AGAP1: variants seen among roughly 807,000 people sequenced by gnomAD.
AGAP1 encodes arf-GAP with GTPase, ANK repeat and PH domain-containing protein 1.
A neutral mutation model predicts 105.3 loss-of-function variants in AGAP1; 29 were observed. The ratio of observed to expected loss-of-function variants is 0.28; its 90% CI spans 0.21 to 0.38. The LOEUF (loss-of-function observed/expected upper bound fraction) is 0.38. Ranked by LOEUF, AGAP1 falls within the 10% of genes least tolerant of loss-of-function variation. The probability of loss-of-function intolerance (pLI) is 1.00; values close to 1 mark genes in which losing one functional copy is unlikely to be tolerated. For missense variants in AGAP1, 998 were observed against 1,165.1 expected (o/e 0.86, Z 2.09); for synonymous variants, 509 against 485.9 (o/e 1.05, Z -0.63).
At chr2:236,034,734 AGGGCCTCAGGCCCGACCTCCACTCAGCAC>A (rs1423206222) in intron 13 of AGAP1, among the ~76,000 whole-genome samples, 1 of 152,238 alleles carries the variant, frequency 6.6e-6, no homozygotes, top group Non-Finnish European at 1.5e-5. Context: ...CTAACCAGCC[AGGGCCTCAGGCCCGACCTCCACTCAGCAC>A]GTGCATCACA....
At position 235,729,142 on chromosome 2, in the gene AGAP1, C is replaced by A. The variant is rs1951807287; in HGVS notation, c.310+11498C>A. 6.6e-6 allele frequency among the ~76,000 whole-genome samples: 1 copy of A among 152,154 alleles called. No individual in the cohort carries two copies. Among genetic ancestry groups the A allele is most frequent in the Admixed American group, 6.5e-5 (1 of 15,280 alleles). ...GAGGACAGATAGGGGAATCCCCAGG[C>A]CACCTCTGGACCTTGACATTGACTA... On this transcript the variant is annotated intron_variant, in intron 3 of 17. Transcript: ENST00000304032. The surrounding 1 kb of genome is among the most constrained non-coding windows in gnomAD (Gnocchi z 5.0).
chr2:235,617,973 G>T (rs1033812214), intron 1 of AGAP1, among the ~76,000 whole-genome samples: 7 of 152,104 alleles, frequency 4.6e-5, no homozygotes, highest in African/African-American at 1.2e-4. Context: ...GGGCCGGCGA[G>T]TTAACTGAAC....
chr2:236,089,765 T>C lies in AGAP1; in HGVS notation c.2115-30427T>C, dbSNP rs1255627785. Reference sequence around the variant, plus strand: ...GGCAATAAAGAGTGCATTTGTGGAATGATAACCTGACTGGCATCCCTGCCT... The same window carrying C: ...GGCAATAAAGAGTGCATTTGTGGAACGATAACCTGACTGGCATCCCTGCCT... On this transcript the variant is annotated intron_variant, in intron 16 of 17. Transcript: ENST00000304032. This position sits in a 1 kb window ranked among gnomAD's most constrained non-coding sequence, Gnocchi z 5.6. Among the ~76,000 whole-genome samples the C allele has an allele frequency of 6.6e-6, 1 of 152,192 alleles. No homozygotes were observed. The highest frequency in any genetic ancestry group is 1.5e-5 in the Non-Finnish European group (1 of 68,042).
intron 12 of AGAP1, among the ~76,000 whole-genome samples, chr2:235,933,883 A>G (rs994941889): frequency 4.6e-5 from 7 of 152,218 alleles, no homozygotes; most frequent in African/African-American, 1.7e-4. Flanking sequence ...AAGGGAGACA[A>G]TAATCGTAAT....
In AGAP1 at chr2:235,535,292, C is replaced by T. The variant is rs1343623065; in HGVS notation, c.163+40443C>T. Reference sequence around the variant, plus strand: ...ATCTGCACGTCTCTTTCAATGCGGGCGTGCGAACTTCCAGGTAGAGCCGAG... The same window carrying T: ...ATCTGCACGTCTCTTTCAATGCGGGTGTGCGAACTTCCAGGTAGAGCCGAG... On this transcript the variant is annotated intron_variant, in intron 1 of 17. Coordinates refer to ENST00000304032, the MANE Select transcript of AGAP1 (RefSeq NM_001037131.3). This position sits in a 1 kb window ranked among gnomAD's most constrained non-coding sequence, Gnocchi z 5.1. Among the ~76,000 whole-genome samples the T allele has an allele frequency of 3.3e-5, 5 of 152,096 alleles. No individual in the cohort carries two copies. The highest frequency in any genetic ancestry group is 4.8e-5 in the African/African-American group (2 of 41,428).
At chr2:235,945,191 C>G (rs1002117885) in intron 12 of AGAP1, among the ~76,000 whole-genome samples, 16 of 152,192 alleles carry the variant, frequency 1.1e-4, no homozygotes, top group African/African-American at 3.6e-4. Context: ...AGCTCCGTCT[C>G]CCAGGTTCCC....
At chr2:236,026,039 T>G (rs530488441) in intron 13 of AGAP1, among the ~76,000 whole-genome samples, 5 of 152,326 alleles carry the variant, frequency 3.3e-5, no homozygotes, top group African/African-American at 1.2e-4. Flanking sequence ...TTCACTCTGC[T>G]GGGCAGCAGC....
chr2:235,841,717 G>A (rs932535624), intron 9 of AGAP1, among the ~76,000 whole-genome samples: 1 of 152,224 alleles, frequency 6.6e-6, no homozygotes, highest in Non-Finnish European at 1.5e-5. Flanking sequence ...GTTAGGCATT[G>A]TAATTTGGCT....
intron 10 of AGAP1, among the ~76,000 whole-genome samples, chr2:235,890,665 G>A (rs1325025961): frequency 6.6e-6 from 1 of 152,188 alleles, no homozygotes; most frequent in South Asian, 2.1e-4. Flanking sequence ...TGCTGCAGAC[G>A]CTCAGGCTAC....
intron 2 of AGAP1, among the ~76,000 whole-genome samples, chr2:235,715,664 C>A (rs1951065483): frequency 6.6e-6 from 1 of 152,156 alleles, no homozygotes; most frequent in African/African-American, 2.4e-5. Context: ...GCCACTTTCT[C>A]ATGGTCACTT....
At chr2:235,806,959 A>G (rs1041871787) in intron 8 of AGAP1, among the ~76,000 whole-genome samples, 8 of 152,122 alleles carry the variant, frequency 5.3e-5, no homozygotes, top group Non-Finnish European at 8.8e-5. Flanking sequence ...CATATGGCCC[A>G]TTGGTTTCTA....
chr2:236,117,992 G>A (rs938515468), intron 16 of AGAP1, among the ~76,000 whole-genome samples: 4 of 152,008 alleles, frequency 2.6e-5, no homozygotes, highest in African/African-American at 7.2e-5. Flanking sequence ...AAGAGTCGGG[G>A]GTCACTCTGG....
chr2:235,924,059 A>G (rs553846481), intron 11 of AGAP1, among the ~76,000 whole-genome samples: 11 of 152,276 alleles, frequency 7.2e-5, no homozygotes, highest in African/African-American at 2.4e-4. Context: ...TTACTGTCCC[A>G]GACAGCAAAC....
chr2:235,796,536 A>T (rs1017189607), intron 6 of AGAP1, among the ~76,000 whole-genome samples: 2 of 152,180 alleles, frequency 1.3e-5, no homozygotes, highest in African/African-American at 4.8e-5. Flanking sequence ...TAACTAATGA[A>T]GCTGCTTCTT....
At position 235,830,836 on chromosome 2, in the gene AGAP1, T is replaced by C. The variant is rs139472022; in HGVS notation, c.1050+23505T>C. On this transcript the variant is annotated intron_variant, in intron 9 of 17. Transcript: ENST00000304032. This position sits in a 1 kb window ranked among gnomAD's most constrained non-coding sequence, Gnocchi z 5.5. Reference sequence around the variant, plus strand: ...GCCTCATTCTTCTCAGGTCCACCTGTCGGTAGGCCCAGTAGTCAACTCCTA... The same window carrying C: ...GCCTCATTCTTCTCAGGTCCACCTGCCGGTAGGCCCAGTAGTCAACTCCTA... Among the ~76,000 whole-genome samples, 434 of 152,322 alleles carry C rather than the reference T, an allele frequency of 2.8e-3. 1 individual carries two copies. The highest frequency in any genetic ancestry group is 9.0e-3 in the African/African-American group (374 of 41,570).
At chr2:235,763,797 CTG>C (rs1954667615) in intron 6 of AGAP1, among the ~76,000 whole-genome samples, 1 of 152,192 alleles carries the variant, frequency 6.6e-6, no homozygotes, top group African/African-American at 2.4e-5. Flanking sequence ...GTCCTGTAAT[CTG>C]TTTTGTTATC....
rs1192681399 is a variant in AGAP1, at chr2:235,611,225, C to G, written c.164-97954C>G. Among the ~76,000 whole-genome samples, 1 of 152,038 alleles carries G rather than the reference C, an allele frequency of 6.6e-6. No individual in the cohort carries two copies. Among genetic ancestry groups the G allele is most frequent in the African/African-American group, 2.4e-5 (1 of 41,368 alleles). On this transcript the variant is annotated intron_variant, in intron 1 of 17. Transcript: ENST00000304032. The surrounding 1 kb of genome is among the most constrained non-coding windows in gnomAD (Gnocchi z 5.0). ...CATGCTGTCTTGCCAGAGCACCTTC[C>G]CAGGCAGCTGCAAAGGTGGTCTTGG...
At position 235,747,641 on chromosome 2, in the gene AGAP1, G is replaced by C. The variant is rs1953069183; in HGVS notation, c.539-2713G>C. Among the ~76,000 whole-genome samples, 1 of 152,214 alleles carries C rather than the reference G, an allele frequency of 6.6e-6. No individual in the cohort carries two copies. Among genetic ancestry groups the C allele is most frequent in the Non-Finnish European group, 1.5e-5 (1 of 68,042 alleles). On this transcript the variant is annotated intron_variant, in intron 5 of 17. Transcript: ENST00000304032. This position sits in a 1 kb window ranked among gnomAD's most constrained non-coding sequence, Gnocchi z 5.0. ...CTTCAGGGAGCACCCCAGAAAGCCT[G>C]ATGGCAGGAAGCTGGCATGCACGTG...
chr2:235,502,100 T>C (rs1941584684), intron 1 of AGAP1, among the ~76,000 whole-genome samples: 1 of 152,036 alleles, frequency 6.6e-6, no homozygotes, highest in African/African-American at 2.4e-5. Flanking sequence ...CTTTTCATAG[T>C]GTGGGCTGTC....
Sources: gnomAD v4.1 joint callset for allele counts (sites outside exome capture counted in the v4.1 genomes callset) on GRCh38, gnomAD v4.1.1 for gene constraint, Gnocchi (gnomAD v3.1) non-coding constraint, MANE v1.5 for transcripts, NCBI Gene and HGNC (gene_info 2026-07-23, HGNC 2026-07-21) for gene names.